The following SYTL4 variants were observed in gnomAD, a reference collection of about 807,000 sequenced individuals.
SYTL4 encodes the protein synaptotagmin-like protein 4.
SYTL4 carries 16 observed loss-of-function variants against 52.7 expected under a neutral mutation model. That is an observed-to-expected ratio of 0.30 (90% CI 0.21 to 0.46). SYTL4 has a LOEUF of 0.46. Ranked by LOEUF, SYTL4 falls within the 20% of genes least tolerant of loss-of-function variation. The pLI is 1.00. For missense variants in SYTL4, 423 were observed against 519.9 expected, an observed-to-expected ratio of 0.81 and a Z score of 1.81; for synonymous variants, 160 against 186.6, an observed-to-expected ratio of 0.86 and a Z score of 1.16.
At chrX:100,719,031 C>T (rs1167147753) in intron 2 of SYTL4, among the ~76,000 whole-genome samples, 1 of 110,966 alleles carries the variant, frequency 9.0e-6, no homozygotes, top group African/African-American at 3.3e-5. Context: ...TGCCTGACCT[C>T]GTGATCTGCC....
At chrX:100,701,153 T>C in intron 7 of SYTL4, 67 bp downstream of exon 7, 1 of 972,380 alleles carries the variant, frequency 1.0e-6, no homozygotes, top group Non-Finnish European at 1.5e-6. Flanking sequence ...CCCATGGAGT[T>C]AAGATGCTAC....
rs144603768 is a variant in SYTL4, at chrX:100,692,613, G to T, written c.540-1404C>A. 5.6e-3 allele frequency among the ~76,000 whole-genome samples: 619 copies of T among 111,181 alleles called. 5 individuals are homozygous for T. The highest frequency in any genetic ancestry group is 0.019 in the African/African-American group (580 of 30,610). On this transcript the variant is annotated intron_variant, in intron 8 of 19. Coordinates refer to ENST00000372989, the MANE Select transcript of SYTL4 (RefSeq NM_001370165.1). The stretch of plus-strand genomic sequence containing the variant: ...TTTCAAGGGAAGGATACGGTTCCTC[G>T]GCCCCTTACCTCAAAGAATTAGTGA...
chrX:100,727,147 G>A (rs1380019770), intron 2 of SYTL4, among the ~76,000 whole-genome samples: 3 of 111,716 alleles, frequency 2.7e-5, no homozygotes, highest in Non-Finnish European at 3.8e-5. Flanking sequence ...ATCTGATTAC[G>A]AGAGGGGTAC....
At chrX:100,706,709 G>T (rs751178410) in intron 2 of SYTL4, among the ~76,000 whole-genome samples, 2 of 112,052 alleles carry the variant, frequency 1.8e-5, no homozygotes, top group East Asian at 5.6e-4. Flanking sequence ...GGAATTAACA[G>T]ACTGGATAAA....
chrX:100,681,356 A>G, intron 16 of SYTL4, 21 bp from the exon 17 acceptor site: 1 of 1,151,795 alleles, frequency 8.7e-7, no homozygotes, highest in Non-Finnish European at 1.2e-6. Flanking sequence ...GGGAAACCCA[A>G]CAGGTCAAGC....
At chrX:100,686,499 G>A (rs1342058679) in intron 15 of SYTL4, 180 bp downstream of exon 15, 1 of 411,988 alleles carries the variant, frequency 2.4e-6, no homozygotes, top group Non-Finnish European at 4.2e-6. Flanking sequence ...ATCCAGGAAA[G>A]GCAGATCACC....
intron 2 of SYTL4, among the ~76,000 whole-genome samples, chrX:100,710,569 A>G (rs1334044769): frequency 6.2e-5 from 7 of 112,468 alleles, no homozygotes; most frequent in African/African-American, 2.3e-4. Context: ...TGCCTGAAAC[A>G]ATAACAACAA....
At chrX:100,730,734 G>T (rs940925061) in intron 2 of SYTL4, among the ~76,000 whole-genome samples, 22 of 111,203 alleles carry the variant, frequency 2.0e-4, no homozygotes, top group African/African-American at 6.9e-4. Flanking sequence ...TACCAGAAAT[G>T]TTCATCCTCT....
chrX:100,686,005 G>C lies in SYTL4; in HGVS notation c.1434C>G (p.Leu478=), dbSNP rs1049103455. The change falls in exon 16 of 20, where the codon CTC becomes CTG. Residue 478 remains leucine, a synonymous_variant. Coordinates refer to ENST00000372989, the MANE Select transcript of SYTL4 (RefSeq NM_001370165.1). ...AGCAGACTACCTTTCCATGTAAAGG[G>C]AGGCAATGATCCAGTTTCTTATCAA... is the stretch of plus-strand genomic sequence containing the variant. ...WKLDKKLDHC[L]PLHGKISAES... The C allele has an allele frequency of 1.7e-5, 20 of 1,198,757 alleles. 1 individual carries two copies. Among genetic ancestry groups the C allele is most frequent in the Admixed American group, 9.0e-5 (4 of 44,525 alleles).
At chrX:100,712,396 A>G (rs961066253) in intron 2 of SYTL4, among the ~76,000 whole-genome samples, 1 of 112,459 alleles carries the variant, frequency 8.9e-6, no homozygotes, top group Non-Finnish European at 1.9e-5. Context: ...AATCAAGTCA[A>G]TGTGGTACTG....
At chrX:100,716,390 C>T (rs2084212550) in intron 2 of SYTL4, among the ~76,000 whole-genome samples, 1 of 87,498 alleles carries the variant, frequency 1.1e-5, no homozygotes, top group Admixed American at 1.5e-4. Flanking sequence ...GCAGAGGTTG[C>T]GGTGAGCTGA....
intron 2 of SYTL4, among the ~76,000 whole-genome samples, chrX:100,714,023 T>C (rs939699076): frequency 1.8e-5 from 2 of 111,456 alleles, no homozygotes; most frequent in Non-Finnish European, 3.8e-5. Context: ...TTGGAGGTGA[T>C]AGATGTTCAA....
intron 8 of SYTL4, among the ~76,000 whole-genome samples, chrX:100,691,845 T>C: frequency 9.0e-6 from 1 of 111,463 alleles, no homozygotes; most frequent in East Asian, 2.8e-4. Flanking sequence ...GCCCTCAGTA[T>C]ACTTTTAAAA....
At chrX:100,724,943 A>G (rs946425171) in intron 2 of SYTL4, among the ~76,000 whole-genome samples, 1 of 110,822 alleles carries the variant, frequency 9.0e-6, no homozygotes, top group African/African-American at 3.3e-5. Context: ...AGCATATTAA[A>G]TTAAAAAAAT....
At chrX:100,695,520 G>C (rs1222890487) in intron 8 of SYTL4, among the ~76,000 whole-genome samples, 1 of 110,980 alleles carries the variant, frequency 9.0e-6, no homozygotes, top group Non-Finnish European at 1.9e-5. Flanking sequence ...AATCCACAAA[G>C]AAAAAAGGGG....
chrX:100,704,345 T>A (rs991333663), intron 3 of SYTL4, among the ~76,000 whole-genome samples: 2 of 112,363 alleles, frequency 1.8e-5, no homozygotes, highest in African/African-American at 6.5e-5. Context: ...AATTAAATAA[T>A]GTGTGTTAAA....
intron 4 of SYTL4, 94 bp from the exon 5 acceptor site, chrX:100,702,201 G>A (rs768502197): frequency 6.8e-5 from 28 of 412,380 alleles, no homozygotes; most frequent in Non-Finnish European, 1.0e-4. Flanking sequence ...TTCCCCTTGA[G>A]CCAAGCTAAA....
At chrX:100,701,161 T>C (rs5967170) in intron 7 of SYTL4, 59 bp downstream of exon 7, 363,184 of 1,004,134 alleles carry the variant, frequency 0.36, 47,231 homozygotes, top group East Asian at 0.54. Context: ...GTTAAGATGC[T>C]ACCAGTCAGA....
rs147291556 is a variant in SYTL4, at chrX:100,700,897, C to T, written c.539G>A (p.Ser180Asn). The change falls in exon 8 of 20, where the codon AGT becomes AAT. Residue 180 changes from serine (S) to asparagine (N), a missense_variant and splice_region_variant. By Grantham distance (46) the Ser-to-Asn change is conservative. Coordinates refer to ENST00000372989, the MANE Select transcript of SYTL4 (RefSeq NM_001370165.1). Reference protein sequence around the residue: ...KIIQERQKEPSVLFEVPKLKS... With the variant: ...KIIQERQKEPNVLFEVPKLKS... ...CTTTAAACAATTACTTGATTCTTAC[C>T]TGGGCTCCTTCTGCCGCTCCTGAAT... 1.8e-4 allele frequency: 214 copies of T among 1,195,478 alleles called. No individual in the cohort carries two copies. The highest frequency in any genetic ancestry group is 2.3e-4 in the Non-Finnish European group (207 of 883,234).
Sources: allele counts gnomAD v4.1 joint callset (sites outside exome capture counted in the v4.1 genomes callset), GRCh38; gene constraint gnomAD v4.1.1; transcripts MANE v1.5; gene names NCBI Gene and HGNC (gene_info 2026-07-23, HGNC 2026-07-21).